Variants in TSN observed in about 807,000 individuals in gnomAD.
The protein encoded by TSN is translin.
Under a neutral mutation model 29.4 loss-of-function variants are expected in TSN, and 5 were observed. That is an observed-to-expected ratio of 0.17 (90% CI 0.09 to 0.36). The LOEUF (loss-of-function observed/expected upper bound fraction) is 0.36, where lower values mean the gene tolerates loss of function less well. Among genes scored for constraint, TSN ranks in the 10% least tolerant of loss-of-function variants. TSN has a pLI of 1.00. For synonymous variants in TSN, 106 were observed against 102.2 expected, an observed-to-expected ratio of 1.04 and a Z score of -0.23; for missense variants, 159 against 272.8, an observed-to-expected ratio of 0.58 and a Z score of 2.94.
intron 1 of TSN, chr2:121,756,577 C>T: frequency 1.6e-6 from 2 of 1,236,786 alleles, no homozygotes; most frequent in Non-Finnish European, 2.1e-6. Flanking sequence ...TTACACAGTG[C>T]CTCGCACATA....
rs2074883476 is a variant in TSN at position 121,764,996 on chromosome 2, C to T, written c.454-138C>T. On this transcript the variant is annotated intron_variant, in intron 5 of 5. Coordinates refer to ENST00000389682, the MANE Select transcript of TSN (RefSeq NM_004622.3). ...CTTTTCAGAGAAGCTCCTGTCTTGT[C>T]TGTACTTGTGTGTACCCTGAGATAG... 7 of 751,594 alleles carry T rather than the reference C, an allele frequency of 9.3e-6. No homozygotes were observed. In the Admixed American group the frequency reaches 1.6e-4, roughly 17 times the overall value. 46.6% of individuals were successfully genotyped at this position (751,594 alleles called of 1,614,324 possible). A position where few individuals can be genotyped will look rare whatever the true frequency, so the allele number is the denominator to read the frequency against.
chr2:121,758,279 C>T (rs545069856), intron 2 of TSN, among the ~76,000 whole-genome samples: 4 of 152,114 alleles, frequency 2.6e-5, no homozygotes, highest in African/African-American at 4.8e-5. Flanking sequence ...TGCATTTACA[C>T]GTGCCAGAGG....
At chr2:121,756,351 T>C (rs2074747698) in intron 1 of TSN, 1 of 244,734 alleles carries the variant, frequency 4.1e-6, no homozygotes, top group Admixed American at 5.3e-5. Flanking sequence ...GCCTGTTTGC[T>C]TTTCCTGGAA....
intron 3 of TSN, 95 bp from the exon 4 acceptor site, chr2:121,761,314 G>T: frequency 1.3e-6 from 1 of 778,592 alleles, no homozygotes; most frequent in East Asian, 2.5e-5. Context: ...TTTGAAAAAT[G>T]ATCGCATTTC....
intron 3 of TSN, among the ~76,000 whole-genome samples, chr2:121,760,526 G>A (rs368892371): frequency 2.0e-5 from 3 of 151,166 alleles, no homozygotes; most frequent in East Asian, 3.9e-4. Flanking sequence ...ATTATGTTGA[G>A]ACCTTTTTTT....
At chr2:121,758,679 A>G (rs1305333941) in intron 2 of TSN, 31 bp from the exon 3 acceptor site, 2 of 1,502,700 alleles carry the variant, frequency 1.3e-6, no homozygotes, top group East Asian at 2.4e-5. Context: ...AATTTGGTTA[A>G]GTTTTTCATT....
intron 2 of TSN, among the ~76,000 whole-genome samples, chr2:121,757,946 G>A (rs1018070613): frequency 1.1e-4 from 17 of 151,958 alleles, no homozygotes; most frequent in Admixed American, 5.9e-4. Flanking sequence ...GATTACAGGC[G>A]TGAGCCACTG....
chr2:121,762,267 C>T (rs2074842294), intron 4 of TSN, among the ~76,000 whole-genome samples: 2 of 152,202 alleles, frequency 1.3e-5, no homozygotes, highest in South Asian at 4.1e-4. Context: ...GCTGGGATTA[C>T]AGGCGTGAGT....
chr2:121,757,424 CA>C, intron 2 of TSN, 91 bp downstream of exon 2: 1 of 1,582,940 alleles, frequency 6.3e-7, no homozygotes, highest in Non-Finnish European at 8.6e-7. Flanking sequence ...AAATGGCTAT[CA>C]TGCTTTATGG....
chr2:121,755,677 C>T lies in TSN; in HGVS notation c.-103C>T, dbSNP rs1252933969. 3.4e-6 allele frequency: 5 copies of T among 1,474,014 alleles called. No homozygotes were observed. In the East Asian group the frequency reaches 6.9e-5, roughly 20 times the overall value. 91.3% of individuals were successfully genotyped at this position (1,474,014 alleles called of 1,614,324 possible). On this transcript the variant is annotated 5_prime_UTR_variant, in exon 1 of 6. Coordinates refer to ENST00000389682, the MANE Select transcript of TSN (RefSeq NM_004622.3). The stretch of plus-strand genomic sequence containing the variant: ...GTCGTGGCGTAAGACCGGGGGGACG[C>T]GGCGGTAGCGGCGGCCGTTGCGATT...
rs1248244244 is a variant in TSN at position 121,766,961 on chromosome 2, CT to C, written c.*1596del. On this transcript the variant is annotated 3_prime_UTR_variant, in exon 6 of 6. Coordinates refer to ENST00000389682, the MANE Select transcript of TSN (RefSeq NM_004622.3). ...ACAGCTCTTTTTGTGAAGTTAGGTT[CT>C]TAAAAGTGCCCATGATGGTCACTTA... 6.6e-6 allele frequency: 1 copy of C among 152,192 alleles called. No individual in the cohort carries two copies. The highest frequency in any genetic ancestry group is 1.9e-4 in the East Asian group (1 of 5,194). The allele number at this position is 152,192 out of a possible 1,614,324, so 9.4% of individuals were successfully genotyped here. A position where few individuals can be genotyped will look rare whatever the true frequency, so the allele number is the denominator to read the frequency against.
At chr2:121,756,442 A>G (rs2074749186) in intron 1 of TSN, 1 of 250,706 alleles carries the variant, frequency 4.0e-6, no homozygotes, top group South Asian at 3.7e-5. Flanking sequence ...ATTTCCTGTT[A>G]TGTTTTCTAG....
At chr2:121,757,543 A>G in intron 2 of TSN, 2 of 918,586 alleles carry the variant, frequency 2.2e-6, no homozygotes, top group South Asian at 1.7e-5. Context: ...AGGGCATTCT[A>G]CTGATGATAA....
intron 2 of TSN, among the ~76,000 whole-genome samples, chr2:121,758,283 C>T (rs1027276981): frequency 6.6e-5 from 10 of 152,064 alleles, no homozygotes; most frequent in African/African-American, 2.4e-4. Context: ...TTTACACGTG[C>T]CAGAGGCAAG....
At chr2:121,756,531 C>A in intron 1 of TSN, 1 of 723,842 alleles carries the variant, frequency 1.4e-6, no homozygotes, top group Non-Finnish European at 2.0e-6. Flanking sequence ...GTTAAACCGC[C>A]AGAGGGAAGG....
intron 5 of TSN, among the ~76,000 whole-genome samples, chr2:121,764,472 G>A (rs562472420): frequency 9.9e-5 from 15 of 151,760 alleles, no homozygotes; most frequent in African/African-American, 2.9e-4. Flanking sequence ...CAAAAAACCC[G>A]TATGTTGACA....
intron 2 of TSN, 145 bp downstream of exon 2, chr2:121,757,478 G>A (rs1054823222): frequency 6.7e-7 from 1 of 1,491,616 alleles, no homozygotes; most frequent in Non-Finnish European, 9.1e-7. Context: ...AATTTTGGTT[G>A]ATTTTTCTTC....
At position 121,765,097 on chromosome 2, in the gene TSN, G is replaced by A. The variant is rs763910693; in HGVS notation, c.454-37G>A. 6.3e-6 allele frequency: 10 copies of A among 1,599,268 alleles called. 1 individual carries two copies. Among genetic ancestry groups the A allele is most frequent in the South Asian group, 2.2e-5 (2 of 90,686 alleles). Reference sequence around the variant, plus strand: ...GGAAGATGCGCTGAGAAGGAGCCATGTTGTAACAAGCCCCTGTTTTCTCTT... The same window carrying A: ...GGAAGATGCGCTGAGAAGGAGCCATATTGTAACAAGCCCCTGTTTTCTCTT... On this transcript the variant is annotated intron_variant, in intron 5 of 5. Transcript: ENST00000389682.
In TSN at chr2:121,765,654, C is replaced by A; in HGVS notation, c.*287C>A. ...GTTAGTTTCTTGGTAAAGTCCTTTTCTTGCTTACCTTGACTGTTGATGTAC... is the reference window on the plus strand; with the variant it reads ...GTTAGTTTCTTGGTAAAGTCCTTTTATTGCTTACCTTGACTGTTGATGTAC... On this transcript the variant is annotated 3_prime_UTR_variant, in exon 6 of 6. Transcript: ENST00000389682. 2.4e-6 allele frequency: 1 copy of A among 424,986 alleles called. No homozygotes were observed. Among genetic ancestry groups the A allele is most frequent in the Non-Finnish European group, 4.3e-6 (1 of 232,888 alleles). The allele number at this position is 424,986 out of a possible 1,614,324, so 26.3% of individuals were successfully genotyped here.
Sources: allele counts gnomAD v4.1 joint callset (sites outside exome capture counted in the v4.1 genomes callset), GRCh38; gene constraint gnomAD v4.1.1; transcripts MANE v1.5; gene names NCBI Gene and HGNC (gene_info 2026-07-23, HGNC 2026-07-21).